Variants in ATP13A4 observed in about 807,000 individuals in gnomAD.
ATP13A4 encodes the protein ATPase 13A4.
Under a neutral mutation model 142.5 loss-of-function variants are expected in ATP13A4, and 114 were observed. The observed-to-expected ratio is 0.80, with a 90% CI of 0.69 to 0.93. The LOEUF (loss-of-function observed/expected upper bound fraction) is 0.93. ATP13A4 is among the 40% of genes least tolerant of loss of function. ATP13A4 has a pLI of 0.00. For missense variants in ATP13A4, 1,392 were observed against 1,454.0 expected, an observed-to-expected ratio of 0.96 and a Z score of 0.69; for synonymous variants, 488 against 514.8, an observed-to-expected ratio of 0.95 and a Z score of 0.70.
intron 2 of ATP13A4, among the ~76,000 whole-genome samples, chr3:193,511,988 T>C (rs1295089726): frequency 6.6e-6 from 1 of 152,158 alleles, no homozygotes; most frequent in Non-Finnish European, 1.5e-5. Context: ...CCTCCCTTCC[T>C]TTTCCATTTC....
intron 4 of ATP13A4, 25 bp from the exon 5 acceptor site, chr3:193,493,022 C>A: frequency 6.2e-7 from 1 of 1,601,714 alleles, no homozygotes; most frequent in Non-Finnish European, 8.6e-7. Context: ...ATGAAAAGAA[C>A]ATATTTAGCA....
intron 18 of ATP13A4, among the ~76,000 whole-genome samples, chr3:193,446,699 A>G (rs1163417593): frequency 3.3e-5 from 5 of 152,134 alleles, no homozygotes; most frequent in African/African-American, 4.8e-5. Context: ...GTAAAAAATA[A>G]AAATAAAAAT....
At chr3:193,549,709 G>A (rs745824081) in intron 1 of ATP13A4, among the ~76,000 whole-genome samples, 12 of 152,088 alleles carry the variant, frequency 7.9e-5, no homozygotes, top group Non-Finnish European at 1.6e-4. Context: ...GCATGCGCCC[G>A]TGGTCCCAGC....
chr3:193,567,496 A>G (rs1724160012), intron 2 of ATP13A4, among the ~76,000 whole-genome samples: 1 of 152,234 alleles, frequency 6.6e-6, no homozygotes, highest in Non-Finnish European at 1.5e-5. Flanking sequence ...GAGCATCACA[A>G]TCTCTCCGAT....
At position 193,462,763 on chromosome 3, in the gene ATP13A4, C is replaced by T. The variant is rs758473710; in HGVS notation, c.1522G>A (p.Gly508Ser). Residue 508 changes from glycine (G) to serine (S), a missense_variant and splice_region_variant, in exon 13 of 30, where the codon GGC becomes AGC. Transcript: ENST00000342695. The part of the protein sequence containing the change: ...LWGVVSCDRN[G>S]FQEVHSFASG... ...AGTCCAAGAGTCCAAGGTACTCACC[C>T]ATTCCTATCACAGGACACGACTCCC... 2.5e-6 allele frequency: 4 copies of T among 1,613,306 alleles called. No individual in the cohort carries two copies. The South Asian group carries it at 4.4e-5, about 18-fold the overall frequency.
At chr3:193,485,471 C>T (rs932820015) in intron 7 of ATP13A4, among the ~76,000 whole-genome samples, 12 of 152,068 alleles carry the variant, frequency 7.9e-5, no homozygotes, top group Non-Finnish European at 1.8e-4. Context: ...ATCTTATTCT[C>T]GCACAAGTGT....
rs1484799153 is a variant in ATP13A4, at chr3:193,483,934, A to G, written c.808+2T>C. On this transcript the variant is annotated splice_donor_variant, in intron 8 of 29. Transcript: ENST00000342695. LOFTEE classifies it high-confidence loss of function. Reference sequence around the variant, plus strand: ...ATATAGATCTAAAATAATGGAACTTACCTTTTCTCCCACATACAGAGACCG... The same window carrying G: ...ATATAGATCTAAAATAATGGAACTTGCCTTTTCTCCCACATACAGAGACCG... 1 of 1,584,034 alleles carries G rather than the reference A, an allele frequency of 6.3e-7. No individual in the cohort carries two copies. The highest frequency in any genetic ancestry group is 8.7e-7 in the Non-Finnish European group (1 of 1,152,886).
chr3:193,441,637 G>T (rs760019736), intron 19 of ATP13A4, 49 bp from the exon 20 acceptor site: 7 of 1,595,972 alleles, frequency 4.4e-6, no homozygotes, highest in East Asian at 2.2e-5. Flanking sequence ...TGACAGAGTG[G>T]TTAGAACCAT....
rs553372066 is a variant in ATP13A4, at chr3:193,514,575, G to A, written c.234+123C>T. The A allele has an allele frequency of 8.0e-4, 1,037 of 1,288,474 alleles. 2 individuals carry two copies. Among genetic ancestry groups the A allele is most frequent in the Middle Eastern group, 1.3e-3 (5 of 3,844 alleles). 79.8% of individuals were successfully genotyped at this position (1,288,474 alleles called of 1,614,324 possible). A position where few individuals can be genotyped will look rare whatever the true frequency, so the allele number is the denominator to read the frequency against. On this transcript the variant is annotated intron_variant, in intron 2 of 29. Coordinates refer to ENST00000342695, the MANE Select transcript of ATP13A4 (RefSeq NM_032279.4). ...GATGCAAGGCTGTGATGAAACCTAA[G>A]GAACCAAAGACTGGAGCCTCCACCT... is the stretch of plus-strand genomic sequence containing the variant.
intron 8 of ATP13A4, among the ~76,000 whole-genome samples, chr3:193,479,870 C>T (rs1285083696): frequency 6.6e-6 from 1 of 152,146 alleles, no homozygotes; most frequent in African/African-American, 2.4e-5. Context: ...TCAAACTATA[C>T]TATAAGACCA....
At position 193,422,091 on chromosome 3, in the gene ATP13A4, G is replaced by A. The variant is rs1473223241; in HGVS notation, c.2843-7341C>T. ...GAGACACAAATAAGCTGAAAATAAA[G>A]AGATAGAAGAAGATATTCTATGCAA... On this transcript the variant is annotated intron_variant, in intron 25 of 29. Coordinates refer to ENST00000342695, the MANE Select transcript of ATP13A4 (RefSeq NM_032279.4). Among the ~76,000 whole-genome samples, 3 of 149,852 alleles carry A rather than the reference G, an allele frequency of 2.0e-5. 1 individual carries two copies. The highest frequency in any genetic ancestry group is 7.3e-5 in the African/African-American group (3 of 40,872).
rs147091221 is a variant in ATP13A4, at chr3:193,571,601, C to T, written n.291+10106G>A. On this transcript the variant is annotated intron_variant and non_coding_transcript_variant, in intron 2 of 3. Coordinates refer to the ATP13A4 transcript ENST00000489140. Reference sequence around the variant, plus strand: ...ACAACATGGTGTGATAAGCATGGCACTTTACCTCTTACAGTCTTCCTCCCA... The same window carrying T: ...ACAACATGGTGTGATAAGCATGGCATTTTACCTCTTACAGTCTTCCTCCCA... 5.3e-4 allele frequency among the ~76,000 whole-genome samples: 81 copies of T among 152,296 alleles called. No homozygotes were observed. In the East Asian group the frequency reaches 0.015, roughly 28 times the overall value.
intron 8 of ATP13A4, among the ~76,000 whole-genome samples, chr3:193,474,694 GA>G (rs972471374): frequency 4.5e-5 from 6 of 134,734 alleles, no homozygotes; most frequent in Non-Finnish European, 9.6e-5. Flanking sequence ...GAAAGAAAAA[GA>G]AAAAAGGAAG....
At chr3:193,513,059 G>A (rs1721224411) in intron 2 of ATP13A4, among the ~76,000 whole-genome samples, 1 of 152,164 alleles carries the variant, frequency 6.6e-6, no homozygotes, top group African/African-American at 2.4e-5. Context: ...AATTATAGTT[G>A]AACTTGTGAG....
In ATP13A4 at chr3:193,438,415, A is replaced by G. The variant is rs1716428018; in HGVS notation, c.2672+60T>C. ...TCTCTAGTCTTTCCCAGGCAGAACAATGTGATTTGCACCAGAAGTCAAGAG... is the reference window on the plus strand; with the variant it reads ...TCTCTAGTCTTTCCCAGGCAGAACAGTGTGATTTGCACCAGAAGTCAAGAG... On this transcript the variant is annotated intron_variant, in intron 23 of 29. Transcript: ENST00000342695. 7.3e-6 allele frequency: 10 copies of G among 1,371,742 alleles called. No individual in the cohort carries two copies. The South Asian group carries it at 1.1e-4, about 15-fold the overall frequency. 85.0% of individuals were successfully genotyped at this position (1,371,742 alleles called of 1,614,324 possible).
At chr3:193,581,201 T>C (rs939417986) in intron 2 of ATP13A4, among the ~76,000 whole-genome samples, 4 of 152,374 alleles carry the variant, frequency 2.6e-5, no homozygotes, top group African/African-American at 9.6e-5. Context: ...TAGATAATAG[T>C]GTTCAAATAC....
rs1717430898 is a variant in ATP13A4, at chr3:193,454,008, C to A, written c.2027+93G>T. ...ATTGCTCTGTCCACCACCCAGAACCCCTAAGTCCATCCCAGTCTAATGCAC... is the reference window on the plus strand; with the variant it reads ...ATTGCTCTGTCCACCACCCAGAACCACTAAGTCCATCCCAGTCTAATGCAC... On this transcript the variant is annotated intron_variant, in intron 17 of 29. Coordinates refer to ENST00000342695, the MANE Select transcript of ATP13A4 (RefSeq NM_032279.4). 5.5e-6 allele frequency: 6 copies of A among 1,082,332 alleles called. No individual in the cohort carries two copies. The Admixed American group carries it at 9.3e-5, about 17-fold the overall frequency. The allele number at this position is 1,082,332 out of a possible 1,614,324, so 67.0% of individuals were successfully genotyped here. A position where few individuals can be genotyped will look rare whatever the true frequency, so the allele number is the denominator to read the frequency against.
chr3:193,574,422 A>T (rs192691788), intron 2 of ATP13A4, among the ~76,000 whole-genome samples: 140 of 152,332 alleles, frequency 9.2e-4, no homozygotes, highest in African/African-American at 3.2e-3. Flanking sequence ...TCTGTCCGTC[A>T]AAAACCTAGA....
At chr3:193,501,658 T>C (rs1055109553) in intron 3 of ATP13A4, among the ~76,000 whole-genome samples, 1 of 151,636 alleles carries the variant, frequency 6.6e-6, no homozygotes, top group Non-Finnish European at 1.5e-5. Flanking sequence ...ATTTACTTTA[T>C]TACTTTAAAT....
Sources: gnomAD v4.1 joint callset for allele counts (sites outside exome capture counted in the v4.1 genomes callset) on GRCh38, gnomAD v4.1.1 for gene constraint, MANE v1.5 for transcripts, NCBI Gene and HGNC (gene_info 2026-07-23, HGNC 2026-07-21) for gene names.